The following PCDH11Y variants were observed in gnomAD, a reference collection of about 807,000 sequenced individuals.
PCDH11Y encodes protocadherin-11 Y-linked.
For missense variants in PCDH11Y, 12 were observed against 224.8 expected, an observed-to-expected ratio of 0.05 and a Z score of 6.05; for synonymous variants, 9 against 83.6, an observed-to-expected ratio of 0.11 and a Z score of 4.87.
rs570159673 is a variant in PCDH11Y at position 5,438,829 on chromosome Y, G to C, written c.3130-62228G>C. ...TTTTATTTTCAGGGGTACATGTGCA[G>C]TTTTGTTATACAGGTAAATTATGTG... On this transcript the variant is annotated intron_variant, in intron 2 of 4. Transcript: ENST00000400457. 7.0e-4 allele frequency among the ~76,000 whole-genome samples: 15 copies of C among 21,392 alleles called. No individual in the cohort carries two copies. In the South Asian group the frequency reaches 0.02, roughly 28 times the overall value. The allele number at this position is 21,392 out of a possible 37,273, so 57.4% of individuals were successfully genotyped here.
intron 2 of PCDH11Y, among the ~76,000 whole-genome samples, chrY:5,326,998 A>G: frequency 1.2e-4 from 4 of 32,985 alleles, no homozygotes; most frequent in African/African-American, 4.8e-4. Context: ...CTAGGAAGGA[A>G]AGGAGTTGTT....
downstream of PCDH11Y, among the ~76,000 whole-genome samples, chrY:5,108,068 A>G (rs2052796215): frequency 7.8e-5 from 2 of 25,615 alleles, no homozygotes; most frequent in Non-Finnish European, 1.6e-4. Flanking sequence ...CAAAAAAAAA[A>G]AAAAAACAAA....
intron 2 of PCDH11Y, among the ~76,000 whole-genome samples, chrY:5,392,055 A>C: frequency 3.0e-5 from 1 of 33,260 alleles, no homozygotes; most frequent in Admixed American, 2.8e-4. Flanking sequence ...TGGAAGTTAT[A>C]TTGCTGACAG....
chrY:5,532,934 C>G, intron 3 of PCDH11Y, among the ~76,000 whole-genome samples: 3 of 26,754 alleles, frequency 1.1e-4, no homozygotes, highest in African/African-American at 4.6e-4. Context: ...CAGGTTCAAG[C>G]AATTCTCCTG....
intron 2 of PCDH11Y, among the ~76,000 whole-genome samples, chrY:5,472,895 C>G: frequency 3.0e-5 from 1 of 32,980 alleles, no homozygotes; most frequent in African/African-American, 1.2e-4. Flanking sequence ...TGCTGAAACT[C>G]TTCACTTCCT....
chrY:5,145,114 G>A, intron 2 of PCDH11Y, among the ~76,000 whole-genome samples: 1 of 32,476 alleles, frequency 3.1e-5, no homozygotes, highest in East Asian at 8.2e-4. Context: ...ACAGATTTAA[G>A]GCTCCTCCAC....
At chrY:5,076,174 A>G in intron 1 of PCDH11Y, among the ~76,000 whole-genome samples, 1 of 33,893 alleles carries the variant, frequency 3.0e-5, no homozygotes, top group Non-Finnish European at 7.4e-5. Context: ...TATGTCAAAC[A>G]TCTTTTCATA....
At chrY:5,700,456 G>A (rs2124711827) in intron 4 of PCDH11Y, among the ~76,000 whole-genome samples, 6 of 32,702 alleles carry the variant, frequency 1.8e-4, no homozygotes, top group Admixed American at 5.6e-4. Context: ...ATTGAGTAAC[G>A]GGGATAGTTT....
At chrY:5,627,893 A>C in intron 4 of PCDH11Y, among the ~76,000 whole-genome samples, 1 of 33,153 alleles carries the variant, frequency 3.0e-5, no homozygotes, top group Admixed American at 2.8e-4. Context: ...CCTGAAAATA[A>C]TTTTGTATAT....
chrY:5,187,755 C>T (rs2124647832), intron 2 of PCDH11Y, among the ~76,000 whole-genome samples: 1 of 33,701 alleles, frequency 3.0e-5, no homozygotes, highest in East Asian at 8.0e-4. Context: ...ACATTTGGCT[C>T]CCTTTTTACT....
intron 4 of PCDH11Y, among the ~76,000 whole-genome samples, chrY:5,689,062 G>T: frequency 3.4e-5 from 1 of 29,167 alleles, no homozygotes; most frequent in African/African-American, 1.4e-4. Flanking sequence ...GCCATATGTG[G>T]TGGTGCGCAC....
At chrY:5,385,489 T>A in intron 2 of PCDH11Y, among the ~76,000 whole-genome samples, 1 of 31,627 alleles carries the variant, frequency 3.2e-5, no homozygotes, top group Non-Finnish European at 7.7e-5. Context: ...TTCCTTTTTA[T>A]GGCTGAGTAG....
chrY:5,474,802 A>G (rs2053317122), intron 2 of PCDH11Y, among the ~76,000 whole-genome samples: 1 of 32,928 alleles, frequency 3.0e-5, no homozygotes, highest in South Asian at 6.5e-4. Flanking sequence ...ATCCATGAAC[A>G]TAGAATAGCT....
chrY:5,226,728 C>A (rs2052961162), intron 2 of PCDH11Y, among the ~76,000 whole-genome samples: 1 of 32,469 alleles, frequency 3.1e-5, no homozygotes, highest in African/African-American at 1.2e-4. Flanking sequence ...GTTCTTGGCA[C>A]CTTTGTCAAA....
chrY:5,566,699 T>G, intron 3 of PCDH11Y, among the ~76,000 whole-genome samples: 1 of 32,531 alleles, frequency 3.1e-5, no homozygotes, highest in Non-Finnish European at 7.6e-5. Flanking sequence ...TGAAGTGGCT[T>G]ATTTTGGTGA....
intron 4 of PCDH11Y, among the ~76,000 whole-genome samples, chrY:5,727,254 A>G: frequency 6.0e-5 from 2 of 33,268 alleles, no homozygotes; most frequent in African/African-American, 2.3e-4. Context: ...CTGGAGACCT[A>G]AGTGTGAAAA....
intron 4 of PCDH11Y, among the ~76,000 whole-genome samples, chrY:5,685,755 T>A: frequency 3.3e-5 from 1 of 30,487 alleles, no homozygotes; most frequent in Non-Finnish European, 8.0e-5. Context: ...AATAAATGTT[T>A]TTCTACACCT....
intron 2 of PCDH11Y, among the ~76,000 whole-genome samples, chrY:5,478,775 C>T: frequency 3.1e-5 from 1 of 32,582 alleles, no homozygotes; most frequent in South Asian, 6.9e-4. Context: ...TTATGTAATG[C>T]CCTTCTTTGT....
chrY:5,695,794 T>C, intron 4 of PCDH11Y, among the ~76,000 whole-genome samples: 1 of 30,955 alleles, frequency 3.2e-5, no homozygotes, highest in Non-Finnish European at 7.9e-5. Flanking sequence ...TGTTTGCCTG[T>C]TTTTTTACTT....
Sources: gnomAD v4.1 joint callset for allele counts (sites outside exome capture counted in the v4.1 genomes callset) on GRCh38, gnomAD v4.1.1 for gene constraint, MANE v1.5 for transcripts, NCBI Gene and HGNC (gene_info 2026-07-23, HGNC 2026-07-21) for gene names.